Variants in QRFPR observed in about 807,000 individuals in gnomAD.
QRFPR encodes pyroglutamylated RFamide peptide receptor, also known as pyroglutamylated RF-amide peptide receptor.
A neutral mutation model predicts 31.3 loss-of-function variants in QRFPR; 37 were observed. That is an observed-to-expected ratio of 1.18 (90% CI 0.91 to 1.56). The LOEUF (loss-of-function observed/expected upper bound fraction) is 1.56, where lower values mean the gene tolerates loss of function less well. Among genes scored for constraint, QRFPR ranks in the 40% most tolerant of loss-of-function variants. The pLI is 0.00. For synonymous variants in QRFPR, 197 were observed against 192.0 expected (o/e 1.03, Z -0.22); for missense variants, 542 against 532.5 (o/e 1.02, Z -0.18).
chr4:121,349,457 C>A (rs1017333181), intron 1 of QRFPR, among the ~76,000 whole-genome samples: 1 of 152,106 alleles, frequency 6.6e-6, no homozygotes, highest in Non-Finnish European at 1.5e-5. Context: ...TTTTTGTCTT[C>A]CAACTCTTCT....
In QRFPR at chr4:121,380,375, G is replaced by T; in HGVS notation, c.273C>A (p.Asp91Glu). Reference protein sequence around the residue: ...NIFICSLALSDLLITFFCIPV... With the variant: ...NIFICSLALSELLITFFCIPV... ...GAATGCAGAAGAAGGTGATGAGCAG[G>T]TCACTGAGCGCCAAGGAGCAGATAA... The change falls in exon 1 of 6, where the codon GAC becomes GAA. Residue 91 changes from aspartate (D) to glutamate (E), a missense_variant. Coordinates refer to ENST00000394427, the MANE Select transcript of QRFPR (RefSeq NM_198179.3). 1 of 1,614,218 alleles carries T rather than the reference G, an allele frequency of 6.2e-7. No homozygotes were observed. The highest frequency in any genetic ancestry group is 8.5e-7 in the Non-Finnish European group (1 of 1,180,044).
Position 121,329,446 on chromosome 4 carries a change from T to A in QRFPR, c.1164A>T (p.Gly388=). Residue 388 remains glycine, a synonymous_variant, in exon 6 of 6, where the codon GGA becomes GGT. Coordinates refer to ENST00000394427, the MANE Select transcript of QRFPR (RefSeq NM_198179.3). ...CAATGTTGCCATCACTGAATGCTTC[T>A]CCTTTGGTTTCCTCCACTGGATTCT... ...LRENPVEETK[G]EAFSDGNIEV... is the part of the protein sequence containing the mutation. 6.2e-7 allele frequency: 1 copy of A among 1,614,166 alleles called. No individual in the cohort carries two copies.
At chr4:121,336,207 T>C (rs1427216493) in intron 3 of QRFPR, among the ~76,000 whole-genome samples, 2 of 152,090 alleles carry the variant, frequency 1.3e-5, no homozygotes, top group Non-Finnish European at 2.9e-5. Flanking sequence ...GCAAGACATG[T>C]TAAAGTCCAC....
chr4:121,359,487 C>T (rs751038350), intron 1 of QRFPR, among the ~76,000 whole-genome samples: 2 of 152,092 alleles, frequency 1.3e-5, no homozygotes, highest in African/African-American at 4.8e-5. Flanking sequence ...TTCTCCCATG[C>T]TGGAAGCTTC....
At chr4:121,372,055 C>T (rs1195352455) in intron 1 of QRFPR, among the ~76,000 whole-genome samples, 2 of 152,148 alleles carry the variant, frequency 1.3e-5, no homozygotes, top group Non-Finnish European at 2.9e-5. Context: ...CAGACTTACA[C>T]AAAAGACTGT....
intron 1 of QRFPR, among the ~76,000 whole-genome samples, chr4:121,355,266 G>A (rs12649093): frequency 0.064 from 9,748 of 151,906 alleles, 380 homozygotes; most frequent in East Asian, 0.11. Flanking sequence ...TGGTCTATTC[G>A]GCTTTTGGAT....
intron 1 of QRFPR, among the ~76,000 whole-genome samples, chr4:121,367,432 G>C (rs1159263459): frequency 1.3e-5 from 2 of 150,188 alleles, no homozygotes; most frequent in Non-Finnish European, 3.0e-5. Context: ...AATCCTCATA[G>C]TTTGAGCATA....
intron 4 of QRFPR, among the ~76,000 whole-genome samples, chr4:121,331,852 C>G (rs765095641): frequency 2.3e-4 from 35 of 151,922 alleles, no homozygotes; most frequent in Non-Finnish European, 4.1e-4. Context: ...AGAGTTTCAC[C>G]ATGTCGGTCA....
intron 1 of QRFPR, among the ~76,000 whole-genome samples, chr4:121,343,377 G>A (rs1050036448): frequency 2.0e-4 from 30 of 152,040 alleles, no homozygotes; most frequent in African/African-American, 6.5e-4. Flanking sequence ...ATCCTTTTTG[G>A]GGGCTCCAAA....
intron 1 of QRFPR, among the ~76,000 whole-genome samples, chr4:121,365,573 A>ATAAT (rs1560743820): frequency 1.4e-4 from 1 of 7,086 alleles, no homozygotes; most frequent in African/African-American, 7.0e-4. Context: ...TATTATATAT[A>ATAAT]ATATATATTA....
rs985312442 is a variant in QRFPR, at chr4:121,370,373, C to T, written c.340+9935G>A. 7 of 730,220 alleles carry T rather than the reference C, an allele frequency of 9.6e-6. No homozygotes were observed. The African/African-American group carries it at 1.0e-4, about 11-fold the overall frequency. The allele number at this position is 730,220 out of a possible 1,614,324, so 45.2% of individuals were successfully genotyped here. On this transcript the variant is annotated intron_variant, in intron 1 of 5. Coordinates refer to ENST00000394427, the MANE Select transcript of QRFPR (RefSeq NM_198179.3). ...AAAGGCTGAGATCCAGGTGTTTTTTCTATATAGAATCCCTGCCACCACGGT... is the reference window on the plus strand; with the variant it reads ...AAAGGCTGAGATCCAGGTGTTTTTTTTATATAGAATCCCTGCCACCACGGT...
At chr4:121,358,840 G>T (rs1725923725) in intron 1 of QRFPR, among the ~76,000 whole-genome samples, 1 of 152,156 alleles carries the variant, frequency 6.6e-6, no homozygotes, top group African/African-American at 2.4e-5. Flanking sequence ...AACATTTCTT[G>T]AGCAGTTACC....
chr4:121,332,412 A>G (rs931551509), intron 4 of QRFPR, among the ~76,000 whole-genome samples: 1 of 152,192 alleles, frequency 6.6e-6, no homozygotes, highest in East Asian at 1.9e-4. Flanking sequence ...GGTGGGATTA[A>G]CTAAGGATGG....
At chr4:121,351,438 A>G (rs1725759011) in intron 1 of QRFPR, among the ~76,000 whole-genome samples, 1 of 152,160 alleles carries the variant, frequency 6.6e-6, no homozygotes. Flanking sequence ...TCTAATTTTC[A>G]TTATTTTAAT....
rs79663809 is a variant in QRFPR, at chr4:121,365,209, A to C, written c.340+15099T>G. Among the ~76,000 whole-genome samples, 34 of 148,208 alleles carry C rather than the reference A, an allele frequency of 2.3e-4. 2 individuals are homozygous for C. Among genetic ancestry groups the C allele is most frequent in the African/African-American group, 8.0e-4 (32 of 39,864 alleles). On this transcript the variant is annotated intron_variant, in intron 1 of 5. Coordinates refer to ENST00000394427, the MANE Select transcript of QRFPR (RefSeq NM_198179.3). Reference sequence around the variant, plus strand: ...ACAACACAAAAAAGGAATATAACTGATTCCTAAAAAGCTGTGGGCGGATCA... The same window carrying C: ...ACAACACAAAAAAGGAATATAACTGCTTCCTAAAAAGCTGTGGGCGGATCA...
intron 1 of QRFPR, among the ~76,000 whole-genome samples, chr4:121,345,674 T>G (rs892176834): frequency 2.6e-5 from 4 of 152,140 alleles, no homozygotes; most frequent in African/African-American, 9.7e-5. Flanking sequence ...TAGGAACAAT[T>G]GCTTTGGTTT....
intron 2 of QRFPR, among the ~76,000 whole-genome samples, chr4:121,339,372 C>G (rs1725495880): frequency 6.6e-6 from 1 of 152,164 alleles, no homozygotes; most frequent in East Asian, 1.9e-4. Context: ...CTGTGTTAGA[C>G]TTTAGGGCAT....
intron 1 of QRFPR, among the ~76,000 whole-genome samples, chr4:121,378,762 T>G (rs1271071970): frequency 2.0e-5 from 3 of 152,072 alleles, no homozygotes; most frequent in Non-Finnish European, 4.4e-5. Context: ...TCCCTAATAT[T>G]TTACTGAAAA....
rs1725878575 is a variant in QRFPR at position 121,356,749 on chromosome 4, C to T, written c.341-16139G>A. Among the ~76,000 whole-genome samples, 3 of 152,232 alleles carry T rather than the reference C, an allele frequency of 2.0e-5. No individual in the cohort carries two copies. The South Asian group carries it at 6.2e-4, about 32-fold the overall frequency. ...CAGCTCTCCTCTCTCTCTCTTTCCC[C>T]TAATCAGAAGGATATTCTCCATTAT... On this transcript the variant is annotated intron_variant, in intron 1 of 5. Coordinates refer to ENST00000394427, the MANE Select transcript of QRFPR (RefSeq NM_198179.3).
Sources: allele counts gnomAD v4.1 joint callset (sites outside exome capture counted in the v4.1 genomes callset), GRCh38; gene constraint gnomAD v4.1.1; transcripts MANE v1.5; gene names NCBI Gene and HGNC (gene_info 2026-07-23, HGNC 2026-07-21).